The following SERPINA3 variants were observed in gnomAD, a reference collection of about 807,000 sequenced individuals.
SERPINA3 encodes the protein serpin family A member 3.
In SERPINA3, 32 loss-of-function variants were observed where a neutral mutation model predicts 26.8. That is an observed-to-expected ratio of 1.20 (90% CI 0.90 to 1.61). SERPINA3 has a LOEUF of 1.61. Ranked by LOEUF, SERPINA3 falls within the 40% of genes most tolerant of loss-of-function variation. SERPINA3 has a pLI of 0.00. For synonymous variants in SERPINA3, 252 were observed against 206.4 expected, an observed-to-expected ratio of 1.22 and a Z score of -1.89; for missense variants, 632 against 517.9, an observed-to-expected ratio of 1.22 and a Z score of -2.14.
intron 4 of SERPINA3, 68 bp downstream of exon 4, chr14:94,622,559 C>T: frequency 2.6e-6 from 4 of 1,551,252 alleles, no homozygotes; most frequent in Non-Finnish European, 3.5e-6. Context: ...GCCAGATGGA[C>T]TTTTGGGTAC....
At chr14:94,620,469 C>G (rs1886159442) in intron 3 of SERPINA3, among the ~76,000 whole-genome samples, 3 of 152,124 alleles carry the variant, frequency 2.0e-5, no homozygotes, top group Admixed American at 6.5e-5. Context: ...TTAGGTAGGG[C>G]CACGTAGACC....
rs116880457 is a variant in SERPINA3, at chr14:94,614,811, C to G, written c.370C>G (p.Arg124Gly). 6.2e-7 allele frequency: 1 copy of G among 1,614,188 alleles called. No individual in the cohort carries two copies. Among genetic ancestry groups the G allele is most frequent in the Non-Finnish European group, 8.5e-7 (1 of 1,180,032 alleles). ...EIHQSFQHLL[R>G]TLNQSSDELQ... ...TCACCAGAGCTTCCAGCACCTCCTG[C>G]GCACCCTCAATCAGTCCAGCGATGA... Residue 124 changes from arginine to glycine, a missense_variant, in exon 2 of 5, where the codon CGC (arginine) becomes GGC (glycine). By Grantham distance (125) the Arg-to-Gly change is moderately radical. Transcript: ENST00000393078.
Position 94,614,596 on chromosome 14 carries a change from C to T in SERPINA3, c.155C>T (p.Ala52Val). ...CACGTGGACCTCGGATTAGCCTCCG[C>T]CAACGTGGACTTCGCTTTCAGCCTG... is the stretch of plus-strand genomic sequence containing the variant. ...GTHVDLGLASANVDFAFSLYK... is the reference protein window; with the variant it reads ...GTHVDLGLASVNVDFAFSLYK... Residue 52 changes from alanine (A) to valine (V), a missense_variant, in exon 2 of 5, where the codon GCC becomes GTC. Physicochemically the swap from Ala to Val is moderately conservative, Grantham distance 64. Coordinates refer to ENST00000393078, the MANE Select transcript of SERPINA3 (RefSeq NM_001085.5). 1 of 1,614,152 alleles carries T rather than the reference C, an allele frequency of 6.2e-7. No individual in the cohort carries two copies. The highest frequency in any genetic ancestry group is 1.1e-5 in the South Asian group (1 of 91,078).
At position 94,615,090 on chromosome 14, in the gene SERPINA3, T is replaced by C. The variant is rs766306643; in HGVS notation, c.643+6T>C. 3.1e-6 allele frequency: 5 copies of C among 1,613,566 alleles called. No individual in the cohort carries two copies. In the South Asian group the frequency reaches 4.4e-5, roughly 14 times the overall value. On this transcript the variant is annotated splice_donor_region_variant and intron_variant, in intron 2 of 4. Transcript: ENST00000393078. ...GAATTACATCTTCTTTAAAGGTGAG[T>C]GTGCCTGGCTTGGGGTTCAGAAGAG...
In SERPINA3 at chr14:94,622,681, G is replaced by A. The variant is rs537395483; in HGVS notation, c.1068+190G>A. On this transcript the variant is annotated intron_variant, in intron 4 of 4. Transcript: ENST00000393078. Reference sequence around the variant, plus strand: ...AGCCCAGCTCCTCCTGCCGTGTTAGGGGTTGAGCCTCTACAACATAATGTC... The same window carrying A: ...AGCCCAGCTCCTCCTGCCGTGTTAGAGGTTGAGCCTCTACAACATAATGTC... 4.5e-6 allele frequency: 3 copies of A among 665,842 alleles called. No individual in the cohort carries two copies. In the African/African-American group the frequency reaches 5.3e-5, roughly 12 times the overall value. 41.2% of individuals were successfully genotyped at this position (665,842 alleles called of 1,614,324 possible). A position where few individuals can be genotyped will look rare whatever the true frequency, so the allele number is the denominator to read the frequency against.
At position 94,623,982 on chromosome 14, in the gene SERPINA3, G is replaced by A. The variant is rs1287712525; in HGVS notation, c.*168G>A. ...GCGATTCCCTGTGTAGCTCTCACAT[G>A]CACAGGGGCCCATGGACTCTTCAGT... On this transcript the variant is annotated 3_prime_UTR_variant, in exon 5 of 5. Transcript: ENST00000393078. 1.4e-6 allele frequency: 1 copy of A among 693,674 alleles called. No homozygotes were observed. Among genetic ancestry groups the A allele is most frequent in the Non-Finnish European group, 2.6e-6 (1 of 385,256 alleles). The allele number at this position is 693,674 out of a possible 1,614,324, so 43.0% of individuals were successfully genotyped here.
At chr14:94,619,514 G>C in intron 3 of SERPINA3, 46 bp downstream of exon 3, 1 of 1,611,220 alleles carries the variant, frequency 6.2e-7, no homozygotes, top group Non-Finnish European at 8.5e-7. Context: ...TCCACGTCAA[G>C]GTCTCACCAA....
chr14:94,618,364 G>T (rs1177807353), intron 2 of SERPINA3: 1 of 152,172 alleles, frequency 6.6e-6, no homozygotes, highest in Admixed American at 6.5e-5. Flanking sequence ...AGAGGTACCA[G>T]AGGCAGTTTC....
rs774023228 is a variant in SERPINA3 at position 94,614,868 on chromosome 14, GTCAAAGAGCAAC to G, written c.431_442del (p.Lys144_Leu147del). 2 of 1,614,202 alleles carry G rather than the reference GTCAAAGAGCAAC, an allele frequency of 1.2e-6. No homozygotes were observed. Among genetic ancestry groups the G allele is most frequent in the Non-Finnish European group, 1.7e-6 (2 of 1,180,036 alleles). On this transcript the variant is annotated inframe_deletion, in exon 2 of 5. Transcript: ENST00000393078. The stretch of plus-strand genomic sequence containing the variant: ...GCTGAGTATGGGAAATGCCATGTTT[GTCAAAGAGCAAC>G]TCAGTCTGCTGGACAGGTTCACGGA...
In SERPINA3 at chr14:94,619,373, A is replaced by C. The variant is rs112967031; in HGVS notation, c.822A>C (p.Ala274=). 12,484 of 1,613,948 alleles carry C rather than the reference A, an allele frequency of 7.7e-3. 64 individuals are homozygous for C. Among genetic ancestry groups the C allele is most frequent in the Middle Eastern group, 0.013 (81 of 6,062 alleles). Residue 274 remains alanine (A), a synonymous_variant, in exon 3 of 5, where the codon GCA becomes GCC. Coordinates refer to ENST00000393078, the MANE Select transcript of SERPINA3 (RefSeq NM_001085.5). The part of the protein sequence containing the change: ...VELKYTGNAS[A]LFILPDQDKM... ...TGAAGTACACAGGCAATGCCAGCGC[A>C]CTCTTCATCCTCCCTGATCAAGACA... is the stretch of plus-strand genomic sequence containing the variant.
In SERPINA3 at chr14:94,623,665, G is replaced by A. The variant is rs373895665; in HGVS notation, c.1123G>A (p.Ala375Thr). ...TGAGGAGGGCACAGAAGCATCTGCT[G>A]CCACAGCAGTCAAAATCACCCTCCT... ...VFEEGTEASA[A>T]TAVKITLLSA... The change falls in exon 5 of 5, where the codon GCC becomes ACC. Residue 375 changes from alanine to threonine, a missense_variant. Coordinates refer to ENST00000393078, the MANE Select transcript of SERPINA3 (RefSeq NM_001085.5). 1.7e-5 allele frequency: 27 copies of A among 1,614,168 alleles called. No homozygotes were observed. Among genetic ancestry groups the A allele is most frequent in the Non-Finnish European group, 2.2e-5 (26 of 1,180,026 alleles).
At chr14:94,619,730 A>C in intron 3 of SERPINA3, 1 of 538,142 alleles carries the variant, frequency 1.9e-6, no homozygotes, top group South Asian at 2.1e-5. Flanking sequence ...GCACAGTCCC[A>C]AACACTCATG....
intron 3 of SERPINA3, among the ~76,000 whole-genome samples, chr14:94,621,480 T>A (rs1372465311): frequency 6.6e-6 from 1 of 152,102 alleles, no homozygotes; most frequent in East Asian, 1.9e-4. Flanking sequence ...CAGAGTTTAA[T>A]GGAAGACACA....
At chr14:94,621,468 C>A (rs1886198779) in intron 3 of SERPINA3, among the ~76,000 whole-genome samples, 1 of 152,092 alleles carries the variant, frequency 6.6e-6, no homozygotes, top group Admixed American at 6.5e-5. Flanking sequence ...CTTCAGGGGA[C>A]TCAGAGTTTA....
chr14:94,622,667 T>C, intron 4 of SERPINA3, 176 bp downstream of exon 4: 1 of 706,654 alleles, frequency 1.4e-6, no homozygotes. Flanking sequence ...GCCCAGCTCC[T>C]CCTGCCGTGT....
At position 94,622,362 on chromosome 14, in the gene SERPINA3, G is replaced by A; in HGVS notation, c.939G>A (p.Leu313=). 1 of 1,614,002 alleles carries A rather than the reference G, an allele frequency of 6.2e-7. No individual in the cohort carries two copies. Among genetic ancestry groups the A allele is most frequent in the South Asian group, 1.1e-5 (1 of 91,062 alleles). Residue 313 remains leucine, a synonymous_variant, in exon 4 of 5, where the codon CTG becomes CTA. Transcript: ENST00000393078. ...LEFREIGELY[L]PKFSISRDYN... is the part of the protein sequence containing the mutation. ...CTAGAGAGATAGGTGAGCTCTACCT[G>A]CCAAAGTTTTCCATCTCGAGGGACT...
chr14:94,619,534 A>T, intron 3 of SERPINA3, 66 bp downstream of exon 3: 3 of 1,593,082 alleles, frequency 1.9e-6, no homozygotes, highest in Admixed American at 1.7e-5. Context: ...ATGTCCAGGG[A>T]CAAGGGCATG....
At chr14:94,623,553 G>T (rs1385491013) in intron 4 of SERPINA3, 58 bp from the exon 5 acceptor site, 1 of 1,521,536 alleles carries the variant, frequency 6.6e-7, no homozygotes. Context: ...ACACAGGCAG[G>T]TCGCTGAACT....
chr14:94,619,549 T>A, intron 3 of SERPINA3, 81 bp downstream of exon 3: 1 of 1,549,600 alleles, frequency 6.5e-7, no homozygotes, highest in African/African-American at 1.4e-5. Context: ...GGCATGGTGG[T>A]GGGAGAACTC....
Sources: allele counts gnomAD v4.1 joint callset (sites outside exome capture counted in the v4.1 genomes callset), GRCh38; gene constraint gnomAD v4.1.1; transcripts MANE v1.5; gene names NCBI Gene and HGNC (gene_info 2026-07-23, HGNC 2026-07-21).